Variants in INPP4A observed in about 807,000 individuals in gnomAD.
The protein encoded by INPP4A is inositol polyphosphate-4-phosphatase, type I, 107kD.
In INPP4A, 33 loss-of-function variants were observed where a neutral mutation model predicts 119.8. That is an observed-to-expected ratio of 0.28 (90% CI 0.21 to 0.37). The LOEUF (loss-of-function observed/expected upper bound fraction) is 0.37. INPP4A is among the 10% of genes least tolerant of loss of function. The pLI, the probability that INPP4A is intolerant of heterozygous loss-of-function variation, is 1.00. For missense variants in INPP4A, 956 were observed against 1,289.9 expected, an observed-to-expected ratio of 0.74 and a Z score of 3.97; for synonymous variants, 496 against 500.7, an observed-to-expected ratio of 0.99 and a Z score of 0.12.
chr2:98,568,950 T>C, intron 22 of INPP4A: 1 of 340,676 alleles, frequency 2.9e-6, no homozygotes, highest in Non-Finnish European at 5.5e-6. Flanking sequence ...GTGGCATGCA[T>C]TGTGCACCTC....
intron 24 of INPP4A, chr2:98,581,884 T>TAA: frequency 7.2e-7 from 1 of 1,392,958 alleles, no homozygotes; most frequent in Non-Finnish European, 9.4e-7. Flanking sequence ...TTTCATGCCT[T>TAA]ACATTTTGAC....
intron 1 of INPP4A, among the ~76,000 whole-genome samples, chr2:98,509,225 G>A (rs1010984587): frequency 1.1e-4 from 17 of 152,148 alleles, no homozygotes; most frequent in African/African-American, 3.9e-4. Flanking sequence ...CACAGTCCCC[G>A]GGCTGCAGAC....
chr2:98,572,600 A>G (rs897615149), intron 22 of INPP4A, among the ~76,000 whole-genome samples: 2 of 152,196 alleles, frequency 1.3e-5, no homozygotes. Context: ...CTGAAGGGAG[A>G]TGAAGGAAAT....
chr2:98,560,812 C>T (rs954756702), intron 17 of INPP4A, among the ~76,000 whole-genome samples: 3 of 152,210 alleles, frequency 2.0e-5, no homozygotes, highest in Non-Finnish European at 4.4e-5. Context: ...GTGCATCTGC[C>T]CCCACAGAAG....
chr2:98,497,378 G>A (rs1682211579), intron 1 of INPP4A, among the ~76,000 whole-genome samples: 1 of 152,208 alleles, frequency 6.6e-6, no homozygotes, highest in African/African-American at 2.4e-5. Flanking sequence ...TTCCTATGGG[G>A]CACCGCCTAG....
intron 23 of INPP4A, among the ~76,000 whole-genome samples, chr2:98,573,265 A>G (rs1319449094): frequency 6.6e-6 from 1 of 152,230 alleles, no homozygotes; most frequent in Non-Finnish European, 1.5e-5. Context: ...GAAGGAGGCC[A>G]TGTGACCTTT....
intron 4 of INPP4A, among the ~76,000 whole-genome samples, chr2:98,522,608 T>C (rs1349847722): frequency 1.3e-5 from 2 of 151,420 alleles, no homozygotes; most frequent in African/African-American, 4.9e-5. Flanking sequence ...AGGGAGGAAA[T>C]GCAAAGAAAG....
At chr2:98,457,681 A>C (rs1477899707) in intron 1 of INPP4A, among the ~76,000 whole-genome samples, 1 of 152,268 alleles carries the variant, frequency 6.6e-6, no homozygotes, top group Non-Finnish European at 1.5e-5. Context: ...TTGAGACAAT[A>C]AACAGGAGTT....
chr2:98,466,917 T>C (rs1674902574), intron 1 of INPP4A, among the ~76,000 whole-genome samples: 3 of 152,226 alleles, frequency 2.0e-5, no homozygotes, highest in Admixed American at 2.0e-4. Flanking sequence ...TCTTGGATGT[T>C]CTCTTAGTCT....
chr2:98,565,164 C>G (rs766669041), intron 19 of INPP4A, among the ~76,000 whole-genome samples: 1 of 152,196 alleles, frequency 6.6e-6, no homozygotes, highest in Non-Finnish European at 1.5e-5. Flanking sequence ...AAAAGGCTCT[C>G]TTCTTCCTAC....
In INPP4A at chr2:98,577,290, A is replaced by T. The variant is rs531760705; in HGVS notation, c.2786+147A>T. On this transcript the variant is annotated intron_variant, in intron 24 of 24. Transcript: ENST00000409851. ...ACACTTGAGTTTGACAAACCCGTCA[A>T]ACTATTGGCACTATCAAATTCAGAC... 5 of 820,312 alleles carry T rather than the reference A, an allele frequency of 6.1e-6. No homozygotes were observed. The African/African-American group carries it at 8.7e-5, about 14-fold the overall frequency. 50.8% of individuals were successfully genotyped at this position (820,312 alleles called of 1,614,324 possible).
rs1354161983 is a variant in INPP4A at position 98,533,414 on chromosome 2, G to A, written c.189G>A (p.Lys63=). 14 of 1,613,626 alleles carry A rather than the reference G, an allele frequency of 8.7e-6. No homozygotes were observed. The highest frequency in any genetic ancestry group is 1.1e-5 in the Non-Finnish European group (13 of 1,179,848). ...SELHTPSLDR[K]PNSFVAVSVT... Reference sequence around the variant, plus strand: ...TGCATACTCCATCGCTAGATCGAAAGCCAAATAGTTTTGTTGCGGTGAGTG... The same window carrying A: ...TGCATACTCCATCGCTAGATCGAAAACCAAATAGTTTTGTTGCGGTGAGTG... The change falls in exon 5 of 25, where the codon AAG becomes AAA. Residue 63 remains lysine (K), a synonymous_variant. Transcript: ENST00000409851.
chr2:98,462,126 C>T (rs570495758), intron 1 of INPP4A, among the ~76,000 whole-genome samples: 16 of 152,340 alleles, frequency 1.1e-4, no homozygotes, highest in Admixed American at 1.0e-3. Context: ...TGGTTAGATA[C>T]TATTTGTAAG....
chr2:98,449,713 C>G (rs1240996236), intron 1 of INPP4A, among the ~76,000 whole-genome samples: 1 of 152,206 alleles, frequency 6.6e-6, no homozygotes, highest in Non-Finnish European at 1.5e-5. Flanking sequence ...GATAGATGCT[C>G]TCATTGTAAA....
At chr2:98,500,654 A>G in intron 1 of INPP4A, among the ~76,000 whole-genome samples, 1 of 152,168 alleles carries the variant, frequency 6.6e-6, no homozygotes, top group East Asian at 1.9e-4. Context: ...CTAAGAGGAA[A>G]CATTGAGAGT....
chr2:98,519,664 A>G (rs17504837), intron 2 of INPP4A: 11,634 of 194,552 alleles, frequency 0.06, 656 homozygotes, highest in Non-Finnish European at 0.083. Flanking sequence ...CTCGAAAGCC[A>G]TATTTTATAA....
At chr2:98,578,485 C>T (rs1164303744) in intron 24 of INPP4A, among the ~76,000 whole-genome samples, 5 of 152,134 alleles carry the variant, frequency 3.3e-5, no homozygotes, top group Admixed American at 6.5e-5. Context: ...ACTCAGTTCT[C>T]GGGCTCTCGA....
rs1247349502 is a variant in INPP4A at position 98,539,629 on chromosome 2, G to A, written c.772G>A (p.Val258Met). The A allele has an allele frequency of 6.2e-6, 10 of 1,610,752 alleles. No individual in the cohort carries two copies. Among genetic ancestry groups the A allele is most frequent in the African/African-American group, 1.3e-5 (1 of 74,764 alleles). The change falls in exon 10 of 25, where the codon GTG becomes ATG. Residue 258 changes from valine to methionine, a missense_variant. Coordinates refer to ENST00000409851, the MANE Select transcript of INPP4A (RefSeq NM_001134225.2). Reference sequence around the variant, plus strand: ...GGCAGAGAGCGTGCTCTCCCTGCACGTGCCCCGGCAGTTCGTGAAGCTCCT... The same window carrying A: ...GGCAGAGAGCGTGCTCTCCCTGCACATGCCCCGGCAGTTCGTGAAGCTCCT... ...QMAESVLSLH[V>M]PRQFVKLLLE...
Position 98,539,555 on chromosome 2 carries a change from A to G in INPP4A, c.698A>G (p.Tyr233Cys). 6.2e-7 allele frequency: 1 copy of G among 1,611,652 alleles called. No homozygotes were observed. Among genetic ancestry groups the G allele is most frequent in the Non-Finnish European group, 8.5e-7 (1 of 1,178,666 alleles). Residue 233 changes from tyrosine (Y) to cysteine (C), a missense_variant, in exon 10 of 25, where the codon TAC becomes TGC. Physicochemically the swap from Tyr to Cys is radical, Grantham distance 194. This residue lies in a region of INPP4A where 652 missense variants were observed against 797.9 expected (regional missense o/e 0.82). Transcript: ENST00000409851. ...SVFGGAICRM[Y>C]RFPTTDGNHL... ...TTCGGTGGTGCCATCTGCCGCATGT[A>G]CCGGTTTCCAACCACTGATGGTAAC...
Sources: allele counts gnomAD v4.1 joint callset (sites outside exome capture counted in the v4.1 genomes callset), GRCh38; gene constraint gnomAD v4.1.1; regional missense constraint gnomAD v4.1.1; transcripts MANE v1.5; gene names NCBI Gene and HGNC (gene_info 2026-07-23, HGNC 2026-07-21).